The following TMEM165 variants were observed in gnomAD, a reference collection of about 807,000 sequenced individuals.
The protein encoded by TMEM165 is transmembrane protein 165, also known as putative divalent cation/proton antiporter TMEM165.
Under a neutral mutation model 30.0 loss-of-function variants are expected in TMEM165, and 19 were observed. The ratio of observed to expected loss-of-function variants is 0.63; its 90% confidence interval spans 0.44 to 0.93. The LOEUF (loss-of-function observed/expected upper bound fraction) is 0.93. Ranked by LOEUF, TMEM165 falls within the 40% of genes least tolerant of loss-of-function variation. The pLI, the probability that TMEM165 is intolerant of heterozygous loss-of-function variation, is 0.00. For missense variants in TMEM165, 340 were observed against 417.0 expected (o/e 0.82, Z 1.61); for synonymous variants, 168 against 162.9 (o/e 1.03, Z -0.24).
chr4:55,449,548 T>C (rs1381945706), intron 3 of TMEM165: 2 of 1,417,150 alleles, frequency 1.4e-6, no homozygotes, highest in Admixed American at 3.4e-5. Context: ...ATATAGTTTT[T>C]AAAGATTAAT....
intron 1 of TMEM165, among the ~76,000 whole-genome samples, chr4:55,398,565 C>A (rs775103622): frequency 6.6e-6 from 1 of 152,186 alleles, no homozygotes; most frequent in Non-Finnish European, 1.5e-5. Context: ...GTTCTTTGAT[C>A]TTGAGCCTAG....
chr4:55,418,468 G>A (rs755646984), intron 4 of TMEM165, among the ~76,000 whole-genome samples: 11 of 151,268 alleles, frequency 7.3e-5, no homozygotes, highest in Non-Finnish European at 1.5e-4. Context: ...AGGCTCCAGT[G>A]AGCTGTGTTC....
At chr4:55,420,435 C>T (rs1721928288) in intron 4 of TMEM165, among the ~76,000 whole-genome samples, 1 of 151,624 alleles carries the variant, frequency 6.6e-6, no homozygotes, top group Non-Finnish European at 1.5e-5. Flanking sequence ...GGTTTTGAGT[C>T]TCTTGCTGTA....
chr4:55,400,697 A>G (rs1720965521), intron 1 of TMEM165, among the ~76,000 whole-genome samples: 1 of 149,580 alleles, frequency 6.7e-6, no homozygotes, highest in African/African-American at 2.5e-5. Flanking sequence ...CGGCCTCCCA[A>G]AGTGCTGGGA....
In TMEM165 at chr4:55,403,978, C is replaced by G. The variant is rs1721160872; in HGVS notation, c.207+7582C>G. ...TTGGAAAAGAAAGAAAAAGGTCATTCATTTAATCTTAACTTGACTATTAGT... is the reference window on the plus strand; with the variant it reads ...TTGGAAAAGAAAGAAAAAGGTCATTGATTTAATCTTAACTTGACTATTAGT... On this transcript the variant is annotated intron_variant, in intron 1 of 5. Transcript: ENST00000381334. 2.5e-5 allele frequency among the ~76,000 whole-genome samples: 3 copies of G among 120,298 alleles called. No homozygotes were observed. The South Asian group carries it at 9.1e-4, about 37-fold the overall frequency. 78.9% of individuals were successfully genotyped at this position (120,298 alleles called of 152,430 possible).
chr4:55,412,460 A>G (rs1301931818), intron 2 of TMEM165, among the ~76,000 whole-genome samples: 1 of 151,526 alleles, frequency 6.6e-6, no homozygotes, highest in Non-Finnish European at 1.5e-5. Flanking sequence ...CAGTGACTCT[A>G]AATACCATTA....
At chr4:55,404,497 C>T (rs1721190664) in intron 1 of TMEM165, among the ~76,000 whole-genome samples, 2 of 152,054 alleles carry the variant, frequency 1.3e-5, no homozygotes, top group Non-Finnish European at 2.9e-5. Context: ...ACAATCATAG[C>T]TTACTGCAGC....
chr4:55,398,376 G>A (rs1270701566), intron 1 of TMEM165, among the ~76,000 whole-genome samples: 4 of 152,200 alleles, frequency 2.6e-5, no homozygotes, highest in Admixed American at 6.5e-5. Flanking sequence ...GGTAGAGGAG[G>A]TTTGTAAGGA....
chr4:55,429,900 T>TA (rs1433589993), downstream of TMEM165: 1 of 152,304 alleles, frequency 6.6e-6, no homozygotes, highest in East Asian at 1.9e-4. Flanking sequence ...CGTCCTGAAG[T>TA]AAAGTAGATT....
intron 3 of TMEM165, among the ~76,000 whole-genome samples, chr4:55,450,831 A>G (rs748120939): frequency 2.0e-5 from 3 of 152,036 alleles, no homozygotes; most frequent in Non-Finnish European, 4.4e-5. Context: ...CTAAAACTAC[A>G]TAACTCTTAC....
At chr4:55,433,157 T>C (rs1722633842) in intron 3 of TMEM165, 1 of 152,680 alleles carries the variant, frequency 6.5e-6, no homozygotes, top group African/African-American at 2.4e-5. Flanking sequence ...AACAATGCTA[T>C]TGCCATATTC....
chr4:55,427,036 ATT>A (rs1195135340), downstream of TMEM165, among the ~76,000 whole-genome samples: 13 of 56,552 alleles, frequency 2.3e-4, no homozygotes, highest in African/African-American at 3.7e-4. Context: ...TCTCACTAGT[ATT>A]TTTTTTTTTT....
At chr4:55,400,557 C>T (rs13113860) in intron 1 of TMEM165, among the ~76,000 whole-genome samples, 63,794 of 146,968 alleles carry the variant, frequency 0.43, 15,664 homozygotes, top group East Asian at 0.88. Flanking sequence ...CCTGCCTCAG[C>T]CTCCAGCATA....
intron 3 of TMEM165, among the ~76,000 whole-genome samples, chr4:55,445,582 C>CTTT (rs56157186): frequency 0.023 from 1,592 of 68,536 alleles, 249 homozygotes; most frequent in Non-Finnish European, 0.027. Context: ...TTTCTATATT[C>CTTT]TTTTTTTTTT....
In TMEM165 at chr4:55,450,068, T is replaced by A. The variant is rs201313987; in HGVS notation, c.409-2171T>A. The A allele has an allele frequency of 1.9e-6, 3 of 1,613,922 alleles. No homozygotes were observed. The Admixed American group carries it at 5.0e-5, about 27-fold the overall frequency. Reference sequence around the variant, plus strand: ...TTAGTTAGTTACTTTAAAGGAAGTCTGCTTTGAAGCAAGGGTACTCACAGG... The same window carrying A: ...TTAGTTAGTTACTTTAAAGGAAGTCAGCTTTGAAGCAAGGGTACTCACAGG... On this transcript the variant is annotated intron_variant, in intron 3 of 3. Transcript: ENST00000608091.
intron 3 of TMEM165, among the ~76,000 whole-genome samples, chr4:55,445,608 T>TTTTTTGTCA (rs71194564): frequency 9.6e-6 from 1 of 104,014 alleles, no homozygotes; most frequent in Non-Finnish European, 2.0e-5. Context: ...TTTTTTTTTT[T>TTTTTTGTCA]GAGACAGGAT....
Position 55,417,122 on chromosome 4 carries a change from G to T in TMEM165, c.484G>T (p.Val162Phe), listed in dbSNP as rs1218730859. ...CATCCCCAGGGTCTATACATACTAT[G>T]TTTCAACTGTATTATTTGCCATTTT... is the stretch of plus-strand genomic sequence containing the variant. ...TVIPRVYTYY[V>F]STVLFAIFGI... is the part of the protein sequence containing the mutation. The change falls in exon 3 of 6, where the codon GTT becomes TTT. Residue 162 changes from valine (V) to phenylalanine (F), a missense_variant. Val to Phe is a conservative substitution (Grantham distance 50, BLOSUM62 -1). Around this residue, in one of 2 missense-constraint regions of TMEM165, gnomAD observed 220 missense variants for 307.6 expected, o/e 0.72. Coordinates refer to ENST00000381334, the MANE Select transcript of TMEM165 (RefSeq NM_018475.5). 6.2e-7 allele frequency: 1 copy of T among 1,613,852 alleles called. No individual in the cohort carries two copies. Among genetic ancestry groups the T allele is most frequent in the African/African-American group, 1.3e-5 (1 of 74,888 alleles).
At chr4:55,402,421 ATATATATATATATTTTT>A (rs1721048394) in intron 1 of TMEM165, among the ~76,000 whole-genome samples, 2 of 56,510 alleles carry the variant, frequency 3.5e-5, no homozygotes, top group African/African-American at 9.4e-5. Flanking sequence ...ATATATATAT[ATATATATATATATTTTT>A]TTTTTTTTTT....
chr4:55,400,289 T>TATATATAATATTATATATA (rs1440928826), intron 1 of TMEM165, among the ~76,000 whole-genome samples: 2 of 99,504 alleles, frequency 2.0e-5, no homozygotes, highest in East Asian at 2.2e-4. Context: ...TATTATATAT[T>TATATATAATATTATATATA]ATATATAATA....
Sources: allele counts gnomAD v4.1 joint callset (sites outside exome capture counted in the v4.1 genomes callset), GRCh38; gene constraint gnomAD v4.1.1; regional missense constraint gnomAD v4.1.1; transcripts MANE v1.5; gene names NCBI Gene and HGNC (gene_info 2026-07-23, HGNC 2026-07-21).